The following TCOF1 variants were observed in gnomAD, a reference collection of about 807,000 sequenced individuals.
The protein encoded by TCOF1 is treacle protein.
A neutral mutation model predicts 149.0 loss-of-function variants in TCOF1; 33 were observed. The ratio of observed to expected loss-of-function variants is 0.22; its 90% CI spans 0.17 to 0.30. The LOEUF (loss-of-function observed/expected upper bound fraction) is 0.30, where lower values mean the gene tolerates loss of function less well. Among genes scored for constraint, TCOF1 ranks in the 10% least tolerant of loss-of-function variants. TCOF1 has a pLI of 1.00. For missense variants in TCOF1, 1,728 were observed against 1,840.7 expected, an observed-to-expected ratio of 0.94 and a Z score of 1.12; for synonymous variants, 789 against 738.8, an observed-to-expected ratio of 1.07 and a Z score of -1.10.
rs1554081143 is a variant in TCOF1, at chr5:150,398,379, A to G, written c.4371A>G (p.Glu1457=). 1.9e-6 allele frequency: 3 copies of G among 1,613,648 alleles called. No individual in the cohort carries two copies. In the Admixed American group the frequency reaches 5.0e-5, roughly 27 times the overall value. The change falls in exon 25 of 27, where the codon GAA becomes GAG. Residue 1457 remains glutamate, a synonymous_variant. Transcript: ENST00000643257. ...GAAAAAAAGACAAAGAAAAAAAAGA[A>G]AAGAAGAAGAAAGCAAAAAAGGCCT... ...DKRKKDKEKK[E]KKKKAKKAST... is the part of the protein sequence containing the mutation.
chr5:150,365,487 C>T (rs190593624), intron 3 of TCOF1, among the ~76,000 whole-genome samples: 17 of 152,230 alleles, frequency 1.1e-4, no homozygotes, highest in African/African-American at 4.1e-4. Context: ...TTGTCCTACC[C>T]TGTTCCCTAT....
chr5:150,359,045 T>A (rs75007272), intron 1 of TCOF1, among the ~76,000 whole-genome samples: 8,645 of 150,138 alleles, frequency 0.058, 328 homozygotes, highest in East Asian at 0.11. Context: ...CAAAAAAAAA[T>A]TTTTTTTAAG....
intron 23 of TCOF1, among the ~76,000 whole-genome samples, chr5:150,395,646 C>T (rs1768324280): frequency 6.6e-6 from 1 of 152,026 alleles, no homozygotes; most frequent in African/African-American, 2.4e-5. Flanking sequence ...AGGCAGTAAA[C>T]CTGCTTAGTC....
At chr5:150,370,436 A>C (rs768630225) in intron 6 of TCOF1, among the ~76,000 whole-genome samples, 16 of 152,306 alleles carry the variant, frequency 1.1e-4, no homozygotes, top group Non-Finnish European at 1.3e-4. Flanking sequence ...GCTAGCTGCA[A>C]CTTCCACCTC....
rs1763491646 is a variant in TCOF1, at chr5:150,375,279, C to A, written c.1489-60C>A. 10 of 1,604,136 alleles carry A rather than the reference C, an allele frequency of 6.2e-6. No homozygotes were observed. The South Asian group carries it at 1.1e-4, about 18-fold the overall frequency. On this transcript the variant is annotated intron_variant, in intron 10 of 26. Coordinates refer to ENST00000643257, the MANE Select transcript of TCOF1 (RefSeq NM_001371623.1). ...TGCGGCTGGCTTCGTTTGCTCTCCT[C>A]CCCTCACTCACATTCTCCTTCTGGA...
chr5:150,366,151 T>C (rs1761304393), intron 3 of TCOF1, among the ~76,000 whole-genome samples: 1 of 147,918 alleles, frequency 6.8e-6, no homozygotes, highest in East Asian at 2.0e-4. Flanking sequence ...GAGTCCTCGT[T>C]GGCATCCTGG....
intron 5 of TCOF1, 24 bp from the exon 6 acceptor site, chr5:150,369,505 G>A (rs760150830): frequency 6.2e-7 from 1 of 1,613,942 alleles, no homozygotes; most frequent in East Asian, 2.2e-5. Flanking sequence ...GAGTCCCTCA[G>A]TCCCCTCCGT....
rs141971870 is a variant in TCOF1 at position 150,364,045 on chromosome 5, T to C, written c.165-68T>C. ...AGAGCTGGAAGGATGCGGGAAGGTC[T>C]GTCTAGTCAATTCTTGTGGAGTTGT... On this transcript the variant is annotated intron_variant, in intron 2 of 26. Transcript: ENST00000643257. The C allele has an allele frequency of 9.2e-3, 14,795 of 1,611,480 alleles. 105 individuals are homozygous for C. Among genetic ancestry groups the C allele is most frequent in the Middle Eastern group, 0.025 (151 of 6,014 alleles).
intron 14 of TCOF1, 72 bp from the exon 15 acceptor site, chr5:150,378,833 A>G: frequency 1.9e-6 from 3 of 1,609,252 alleles, no homozygotes; most frequent in Non-Finnish European, 2.6e-6. Context: ...CCAGCTCCAG[A>G]GTCTGTATTC....
At position 150,396,738 on chromosome 5, in the gene TCOF1, C is replaced by A; in HGVS notation, c.4241C>A (p.Ala1414Asp). 1 of 1,612,190 alleles carries A rather than the reference C, an allele frequency of 6.2e-7. No individual in the cohort carries two copies. The highest frequency in any genetic ancestry group is 8.5e-7 in the Non-Finnish European group (1 of 1,179,456). ...KGKGSLGSQG[A>D]KDEPEEELQK... is the part of the protein sequence containing the mutation. ...AAGGGGTCTCTTGGCTCCCAAGGGG[C>A]CAAGGACGAGCCAGAAGAGGAGCTT... Residue 1414 changes from alanine (A) to aspartate (D), a missense_variant, in exon 24 of 27, where the codon GCC becomes GAC. Around this residue, in one of 2 missense-constraint regions of TCOF1, gnomAD observed 1,696 missense variants for 1,765.4 expected, o/e 0.96. Transcript: ENST00000643257.
At chr5:150,388,925 C>CA (rs903835787) in intron 18 of TCOF1, among the ~76,000 whole-genome samples, 10 of 151,646 alleles carry the variant, frequency 6.6e-5, no homozygotes, top group African/African-American at 2.4e-4. Context: ...GAGACTGTCT[C>CA]AAAAAAACAG....
At chr5:150,388,487 G>C (rs1268144320) in intron 18 of TCOF1, among the ~76,000 whole-genome samples, 1 of 152,208 alleles carries the variant, frequency 6.6e-6, no homozygotes, top group East Asian at 1.9e-4. Flanking sequence ...ACATCACAGG[G>C]ATAGATTTCA....
intron 17 of TCOF1, chr5:150,383,216 G>T (rs781630089): frequency 1.3e-6 from 2 of 1,501,070 alleles, no homozygotes; most frequent in South Asian, 2.5e-5. Flanking sequence ...GATCAGAGCT[G>T]GGCTGGCAGG....
In TCOF1 at chr5:150,372,651, A is replaced by G. The variant is rs553148497; in HGVS notation, c.870+415A>G. On this transcript the variant is annotated intron_variant, in intron 7 of 26. Transcript: ENST00000643257. ...CCTGGGTGTATCCCAAGGGCAAGAC[A>G]GGGGGGCTGGAAAGCAATGGAAGTC... Among the ~76,000 whole-genome samples, 39 of 152,248 alleles carry G rather than the reference A, an allele frequency of 2.6e-4. 1 individual carries two copies. The highest frequency in any genetic ancestry group is 8.4e-4 in the African/African-American group (35 of 41,542).
rs930825734 is a variant in TCOF1, at chr5:150,368,052, G to C, written c.378+135G>C. Reference sequence around the variant, plus strand: ...ATTCAGAGCTCAACCTGTGTCACCAGTTGTGGGATCTTAGTCCCTTCACCT... The same window carrying C: ...ATTCAGAGCTCAACCTGTGTCACCACTTGTGGGATCTTAGTCCCTTCACCT... On this transcript the variant is annotated intron_variant, in intron 4 of 26. Coordinates refer to ENST00000643257, the MANE Select transcript of TCOF1 (RefSeq NM_001371623.1). 2.0e-4 allele frequency: 190 copies of C among 937,730 alleles called. No individual in the cohort carries two copies. In the East Asian group the frequency reaches 5.0e-3, roughly 24 times the overall value. 58.1% of individuals were successfully genotyped at this position (937,730 alleles called of 1,614,324 possible). A position where few individuals can be genotyped will look rare whatever the true frequency, so the allele number is the denominator to read the frequency against.
chr5:150,379,965 G>A (rs1221596469), intron 17 of TCOF1: 7 of 493,502 alleles, frequency 1.4e-5, no homozygotes, highest in African/African-American at 7.8e-5. Flanking sequence ...CCAGCTACTC[G>A]GGAGGCTGAG....
At chr5:150,359,722 A>G (rs989151931) in intron 1 of TCOF1, among the ~76,000 whole-genome samples, 1 of 152,250 alleles carries the variant, frequency 6.6e-6, no homozygotes, top group African/African-American at 2.4e-5. Context: ...TCATTGGAGC[A>G]AAATATCCTG....
In TCOF1 at chr5:150,376,279, G is replaced by A. The variant is rs1763781778; in HGVS notation, c.2091G>A (p.Glu697=). The change falls in exon 13 of 27, where the codon GAG becomes GAA. Residue 697 remains glutamate, a synonymous_variant. Transcript: ENST00000643257. ...CAGCAGAGGATTCTTCAAGCAGTGA[G>A]GAATCAGATAGTGAGGAAGAGAAGA... ...QRPAEDSSSS[E]ESDSEEEKTG... 1 of 1,614,082 alleles carries A rather than the reference G, an allele frequency of 6.2e-7. No homozygotes were observed. Among genetic ancestry groups the A allele is most frequent in the Admixed American group, 1.7e-5 (1 of 60,016 alleles).
At chr5:150,369,416 GTGAGCGCTCAGCACCTGGCTTTGA>G in intron 5 of TCOF1, 89 bp from the exon 6 acceptor site, 1 of 1,233,204 alleles carries the variant, frequency 8.1e-7, no homozygotes, top group Non-Finnish European at 1.2e-6. Flanking sequence ...CACACGAGGG[GTGAGCGCTCAGCACCTGGCTTTGA>G]TGAGCAGCTG....
Sources: allele counts gnomAD v4.1 joint callset (sites outside exome capture counted in the v4.1 genomes callset), GRCh38; gene constraint gnomAD v4.1.1; regional missense constraint gnomAD v4.1.1; transcripts MANE v1.5; gene names NCBI Gene and HGNC (gene_info 2026-07-23, HGNC 2026-07-21).